Variants in C12orf42 observed in about 807,000 individuals in gnomAD.
The protein encoded by C12orf42 is chromosome 12 open reading frame 42.
A neutral mutation model predicts 21.6 loss-of-function variants in C12orf42; 25 were observed. That is an observed-to-expected ratio of 1.16 (90% CI 0.84 to 1.62). The LOEUF (loss-of-function observed/expected upper bound fraction) is 1.62. Ranked by LOEUF, C12orf42 falls within the 40% of genes most tolerant of loss-of-function variation. C12orf42 has a pLI of 0.00. For missense variants in C12orf42, 483 were observed against 459.3 expected (o/e 1.05, Z -0.47); for synonymous variants, 174 against 175.0 (o/e 0.99, Z 0.05).
At chr12:103,173,031 G>A in the C12orf42 span, among the ~76,000 whole-genome samples, 734 of 152,138 alleles carry the variant, frequency 4.8e-3, 4 homozygotes, top group African/African-American at 0.017. Context: ...ATGTTTTTAG[G>A]GGGAACATTA....
intron 1 of C12orf42, among the ~76,000 whole-genome samples, chr12:103,491,834 T>C (rs746723410): frequency 4.0e-4 from 61 of 152,250 alleles, no homozygotes; most frequent in Admixed American, 7.2e-4. Flanking sequence ...TCAATAAAGC[T>C]GATAAGCTGA....
chr12:103,385,601 A>G (rs917491320), intron 3 of C12orf42, among the ~76,000 whole-genome samples: 20 of 152,204 alleles, frequency 1.3e-4, no homozygotes, highest in African/African-American at 4.8e-4. Flanking sequence ...ATGGTAATAA[A>G]TTGCAATGAT....
At chr12:103,173,537 G>C in the C12orf42 span, among the ~76,000 whole-genome samples, 2 of 152,220 alleles carry the variant, frequency 1.3e-5, no homozygotes, top group Admixed American at 6.5e-5. Context: ...AGGTCTGAGT[G>C]CCTCATACTG....
chr12:103,191,543 C>CAAAAAAAAAAAAAAAAAA, the C12orf42 span, among the ~76,000 whole-genome samples: 13 of 58,114 alleles, frequency 2.2e-4, no homozygotes, highest in East Asian at 5.6e-4. Flanking sequence ...CTCCACTCTA[C>CAAAAAAAAAAAAAAAAAA]AAAAAAAAAA....
At chr12:103,104,285 A>G in the C12orf42 span, among the ~76,000 whole-genome samples, 22 of 152,228 alleles carry the variant, frequency 1.4e-4, no homozygotes, top group Non-Finnish European at 2.8e-4. Flanking sequence ...TTAAACACAC[A>G]TAAGTTCAAA....
intron 4 of C12orf42, among the ~76,000 whole-genome samples, chr12:103,364,745 C>G (rs2044442586): frequency 6.6e-6 from 1 of 151,878 alleles, no homozygotes; most frequent in Non-Finnish European, 1.5e-5. Context: ...GAGATGGATA[C>G]ATTCCTAGAA....
chr12:103,129,544 C>T, the C12orf42 span, among the ~76,000 whole-genome samples: 2 of 152,152 alleles, frequency 1.3e-5, no homozygotes, highest in Admixed American at 6.5e-5. Context: ...ACTTTAACAA[C>T]CCTTCTTACA....
At chr12:103,531,202 G>C in the C12orf42 span, among the ~76,000 whole-genome samples, 1 of 152,216 alleles carries the variant, frequency 6.6e-6, no homozygotes. Flanking sequence ...TTCCCCACAA[G>C]AGAGTTTCTT....
chr12:103,178,450 A>T, the C12orf42 span: 1 of 152,272 alleles, frequency 6.6e-6, no homozygotes, highest in South Asian at 2.1e-4. Flanking sequence ...CACCAAGTCA[A>T]CGTGAACTAA....
intron 3 of C12orf42, chr12:103,397,700 G>A (rs1032894626): frequency 2.6e-5 from 4 of 152,162 alleles, no homozygotes; most frequent in African/African-American, 9.7e-5. Context: ...TCATACCTTG[G>A]TGGAAATTGT....
At chr12:103,101,760 CT>C in the C12orf42 span, among the ~76,000 whole-genome samples, 3 of 152,170 alleles carry the variant, frequency 2.0e-5, no homozygotes, top group Non-Finnish European at 2.9e-5. Context: ...GCTCATAATT[CT>C]GTGGGTTGGC....
chr12:103,490,013 A>C (rs932867040), intron 1 of C12orf42, among the ~76,000 whole-genome samples: 21 of 152,166 alleles, frequency 1.4e-4, no homozygotes, highest in African/African-American at 4.6e-4. Flanking sequence ...GAAATGCAGA[A>C]ATCACCCGTC....
the C12orf42 span, among the ~76,000 whole-genome samples, chr12:103,528,115 G>A: frequency 6.6e-6 from 1 of 152,094 alleles, no homozygotes; most frequent in Non-Finnish European, 1.5e-5. Flanking sequence ...AGATTTCATG[G>A]GATGAATGAA....
chr12:103,186,177 G>C, the C12orf42 span, among the ~76,000 whole-genome samples: 1 of 152,164 alleles, frequency 6.6e-6, no homozygotes, highest in Non-Finnish European at 1.5e-5. Context: ...ATAGACTGTG[G>C]AACTAGGTCA....
chr12:103,499,614 T>C (rs1214282397), upstream of C12orf42, among the ~76,000 whole-genome samples: 1 of 152,244 alleles, frequency 6.6e-6, no homozygotes. Flanking sequence ...TGAGGACTAA[T>C]AGTTTTCAAC....
chr12:103,368,459 T>C (rs1448890854), intron 4 of C12orf42, among the ~76,000 whole-genome samples: 1 of 151,748 alleles, frequency 6.6e-6, no homozygotes, highest in Non-Finnish European at 1.5e-5. Context: ...ATTCCAGGGG[T>C]GAACATAAGA....
chr12:103,560,131 A>G, the C12orf42 span, among the ~76,000 whole-genome samples: 1 of 152,244 alleles, frequency 6.6e-6, no homozygotes, highest in Non-Finnish European at 1.5e-5. Context: ...CTCAAACTCT[A>G]TGAGTTAAAT....
At chr12:103,459,228 C>A (rs1952523046) in intron 2 of C12orf42, among the ~76,000 whole-genome samples, 2 of 152,188 alleles carry the variant, frequency 1.3e-5, no homozygotes, top group Non-Finnish European at 2.9e-5. Context: ...CAAGGCCTCA[C>A]CACAGATCTA....
At chr12:103,339,223 A>C (rs1301366310) in intron 4 of C12orf42, among the ~76,000 whole-genome samples, 1 of 152,240 alleles carries the variant, frequency 6.6e-6, no homozygotes, top group Non-Finnish European at 1.5e-5. Context: ...AAATCTTTTA[A>C]GTTCAGGGGT....
Sources: gnomAD v4.1 joint callset for allele counts (sites outside exome capture counted in the v4.1 genomes callset) on GRCh38, gnomAD v4.1.1 for gene constraint, MANE v1.5 for transcripts, NCBI Gene and HGNC (gene_info 2026-07-23, HGNC 2026-07-21) for gene names.